EVL: variants seen among roughly 807,000 people sequenced by gnomAD.
EVL encodes the protein ena/VASP-like protein.
A neutral mutation model predicts 59.6 loss-of-function variants in EVL; 21 were observed. The ratio of observed to expected loss-of-function variants is 0.35; its 90% CI spans 0.25 to 0.51. The LOEUF is 0.51. EVL is among the 20% of genes least tolerant of loss of function. EVL has a pLI of 0.97. For missense variants in EVL, 462 were observed against 546.6 expected (o/e 0.85, Z 1.54); for synonymous variants, 198 against 203.5 (o/e 0.97, Z 0.23).
chr14:100,013,041 C>T (rs2061026684), intron 1 of EVL, among the ~76,000 whole-genome samples: 1 of 152,190 alleles, frequency 6.6e-6, no homozygotes, highest in Admixed American at 6.5e-5. Context: ...TATTTCTTGT[C>T]TGATGGAGGT....
At chr14:100,010,302 A>G (rs1432669779) in intron 1 of EVL, among the ~76,000 whole-genome samples, 1 of 152,214 alleles carries the variant, frequency 6.6e-6, no homozygotes, top group African/African-American at 2.4e-5. Flanking sequence ...ATGAGAATTT[A>G]TGGTTTGTAG....
chr14:100,048,831 A>G, intron 1 of EVL, among the ~76,000 whole-genome samples: 1 of 152,268 alleles, frequency 6.6e-6, no homozygotes, highest in East Asian at 1.9e-4. Flanking sequence ...AAGGAGGCCT[A>G]TTAAGTCATA....
rs142675853 is a variant in EVL at position 100,112,428 on chromosome 14, C to T, written c.359-11111C>T. 4.2e-4 allele frequency among the ~76,000 whole-genome samples: 64 copies of T among 152,348 alleles called. 3 individuals carry two copies. Among genetic ancestry groups the T allele is most frequent in the African/African-American group, 1.5e-3 (63 of 41,580 alleles). On this transcript the variant is annotated intron_variant, in intron 3 of 13. Coordinates refer to ENST00000392920, the MANE Select transcript of EVL (RefSeq NM_016337.3). ...TGCATTTCACCTCTCAGTCAGGTCTCAGTCCTTGCCCAGAACTCTCTAGGA... is the reference window on the plus strand; with the variant it reads ...TGCATTTCACCTCTCAGTCAGGTCTTAGTCCTTGCCCAGAACTCTCTAGGA...
chr14:99,973,953 G>C (rs1442810136), intron 1 of EVL, among the ~76,000 whole-genome samples: 1 of 151,974 alleles, frequency 6.6e-6, no homozygotes, highest in Non-Finnish European at 1.5e-5. Flanking sequence ...TACCACCTTT[G>C]TCATCTTCCA....
At chr14:99,981,668 A>T (rs771591193) in intron 1 of EVL, among the ~76,000 whole-genome samples, 6 of 152,238 alleles carry the variant, frequency 3.9e-5, no homozygotes, top group Non-Finnish European at 7.3e-5. Context: ...AAGTGCATAT[A>T]GAAGTTATGT....
Position 100,084,740 on chromosome 14 carries a change from G to A in EVL, c.65G>A (p.Ser22Asn). 6.2e-7 allele frequency: 1 copy of A among 1,614,194 alleles called. No individual in the cohort carries two copies. The highest frequency in any genetic ancestry group is 8.5e-7 in the Non-Finnish European group (1 of 1,180,034). ...RASVMVYDDTSKKWVPIKPGQ... is the reference protein window; with the variant it reads ...RASVMVYDDTNKKWVPIKPGQ... ...TCCGTGATGGTCTACGATGACACCA[G>A]TAAGAAATGGGTACCAATCAAACCT... Residue 22 changes from serine to asparagine, a missense_variant, in exon 2 of 14, where the codon AGT becomes AAT. Coordinates refer to ENST00000392920, the MANE Select transcript of EVL (RefSeq NM_016337.3).
intron 2 of EVL, among the ~76,000 whole-genome samples, chr14:100,092,019 A>G (rs2062575541): frequency 6.6e-6 from 1 of 152,028 alleles, no homozygotes; most frequent in Non-Finnish European, 1.5e-5. Context: ...CAGGAGGATC[A>G]CTTGAGCCCA....
intron 3 of EVL, among the ~76,000 whole-genome samples, chr14:100,116,190 C>T (rs761355902): frequency 4.6e-5 from 7 of 152,136 alleles, no homozygotes; most frequent in African/African-American, 9.7e-5. Flanking sequence ...AAAGGTGTGC[C>T]GGGGATGGCC....
rs34405834 is a variant in EVL at position 100,125,169 on chromosome 14, T to TACACACACAC, written c.423-1521_423-1512dup. Among the ~76,000 whole-genome samples the TACACACACAC allele has an allele frequency of 2.3e-3, 234 of 103,146 alleles. 21 individuals are homozygous for TACACACACAC. The highest frequency in any genetic ancestry group is 9.7e-3 in the African/African-American group (210 of 21,686). 67.7% of individuals were successfully genotyped at this position (103,146 alleles called of 152,430 possible). A position where few individuals can be genotyped will look rare whatever the true frequency, so the allele number is the denominator to read the frequency against. ...ACACACACCTGCCCCAAGGCAGGAA[T>TACACACACAC]ACACACACACACACACACACACACA... On this transcript the variant is annotated intron_variant, in intron 4 of 13. Coordinates refer to ENST00000392920, the MANE Select transcript of EVL (RefSeq NM_016337.3).
chr14:100,027,407 G>A (rs1443440500), intron 1 of EVL, among the ~76,000 whole-genome samples: 3 of 151,660 alleles, frequency 2.0e-5, no homozygotes, highest in East Asian at 1.9e-4. Flanking sequence ...CCCTCTCCCC[G>A]TTACCCTTCC....
At chr14:100,024,790 G>A (rs1173498817) in intron 1 of EVL, among the ~76,000 whole-genome samples, 1 of 151,964 alleles carries the variant, frequency 6.6e-6, no homozygotes, top group Non-Finnish European at 1.5e-5. Flanking sequence ...AGCCTAATTA[G>A]GCATCTCAAA....
Position 100,108,759 on chromosome 14 carries a change from G to A in EVL, c.358+11101G>A, listed in dbSNP as rs988829822. On this transcript the variant is annotated intron_variant, in intron 3 of 13. Transcript: ENST00000392920. The surrounding 1 kb of genome is among the most constrained non-coding windows in gnomAD (Gnocchi z 4.1). ...AGATGGAGCCTTTCCCAGCCGCCCCGCTCCCTGTGACTTTGCACTCCCTCC... is the reference window on the plus strand; with the variant it reads ...AGATGGAGCCTTTCCCAGCCGCCCCACTCCCTGTGACTTTGCACTCCCTCC... Among the ~76,000 whole-genome samples, 4 of 152,038 alleles carry A rather than the reference G, an allele frequency of 2.6e-5. No individual in the cohort carries two copies. Among genetic ancestry groups the A allele is most frequent in the East Asian group, 1.9e-4 (1 of 5,184 alleles).
At chr14:100,099,311 A>G (rs1208863999) in intron 3 of EVL, among the ~76,000 whole-genome samples, 1 of 152,178 alleles carries the variant, frequency 6.6e-6, no homozygotes, top group African/African-American at 2.4e-5. Flanking sequence ...AGGTAGAAGA[A>G]TCACTTGAGT....
Position 100,130,664 on chromosome 14 carries a change from G to A in EVL, c.839+980G>A, listed in dbSNP as rs925561824. On this transcript the variant is annotated intron_variant, in intron 7 of 13. Coordinates refer to ENST00000392920, the MANE Select transcript of EVL (RefSeq NM_016337.3). This position sits in a 1 kb window ranked among gnomAD's most constrained non-coding sequence, Gnocchi z 4.8. ...TCCCGTGGCTCCATGAGGATGATGC[G>A]AGATGACAGAGGCCCACAGCTGCAG... Among the ~76,000 whole-genome samples the A allele has an allele frequency of 2.6e-5, 4 of 152,204 alleles. No homozygotes were observed. The highest frequency in any genetic ancestry group is 1.5e-5 in the Non-Finnish European group (1 of 68,044).
At chr14:99,979,284 T>C (rs955846923) in intron 1 of EVL, among the ~76,000 whole-genome samples, 2 of 152,086 alleles carry the variant, frequency 1.3e-5, no homozygotes, top group Admixed American at 1.3e-4. Context: ...ATATGCAATC[T>C]ATTTCTGCTT....
Position 100,017,924 on chromosome 14 carries a change from C to T in EVL, c.5+45867C>T, listed in dbSNP as rs1039523297. Among the ~76,000 whole-genome samples, 18 of 152,204 alleles carry T rather than the reference C, an allele frequency of 1.2e-4. 1 individual carries two copies. Among genetic ancestry groups the T allele is most frequent in the African/African-American group, 4.3e-4 (18 of 41,450 alleles). ...TGGACTCTCTTGCTTCTCTTCGAGA[C>T]GGAGATAACTGTATGAAGAGTGATA... On this transcript the variant is annotated intron_variant, in intron 1 of 13. Coordinates refer to the EVL transcript ENST00000402714.
intron 3 of EVL, among the ~76,000 whole-genome samples, chr14:100,121,192 A>G (rs1595217971): frequency 1.3e-5 from 2 of 151,712 alleles, no homozygotes; most frequent in African/African-American, 2.4e-5. Flanking sequence ...TTCCTTAGCT[A>G]CTCCTCCCAC....
At chr14:100,019,900 T>TA (rs2061091214) in intron 1 of EVL, among the ~76,000 whole-genome samples, 1 of 152,140 alleles carries the variant, frequency 6.6e-6, no homozygotes, top group South Asian at 2.1e-4. Flanking sequence ...GCAGCGTGGA[T>TA]AATTGGTCTG....
chr14:100,065,739 C>T (rs1275239932), intron 1 of EVL, among the ~76,000 whole-genome samples: 2 of 152,154 alleles, frequency 1.3e-5, no homozygotes, highest in Admixed American at 6.5e-5. Context: ...CTCTTGATGC[C>T]TGTGACCTTT....
Sources: gnomAD v4.1 joint callset for allele counts (sites outside exome capture counted in the v4.1 genomes callset) on GRCh38, gnomAD v4.1.1 for gene constraint, Gnocchi (gnomAD v3.1) non-coding constraint, MANE v1.5 for transcripts, NCBI Gene and HGNC (gene_info 2026-07-23, HGNC 2026-07-21) for gene names.